Variants in RIMS2 observed in about 807,000 individuals in gnomAD.
RIMS2 encodes regulating synaptic membrane exocytosis 2.
Under a neutral mutation model 174.4 loss-of-function variants are expected in RIMS2, and 59 were observed. That is an observed-to-expected ratio of 0.34 (90% CI 0.27 to 0.42). The LOEUF (loss-of-function observed/expected upper bound fraction) is 0.42. Among genes scored for constraint, RIMS2 ranks in the 10% least tolerant of loss-of-function variants. The pLI is 1.00. For synonymous variants in RIMS2, 606 were observed against 572.5 expected (o/e 1.06, Z -0.84); for missense variants, 1,620 against 1,666.3 (o/e 0.97, Z 0.48).
At chr8:103,847,817 T>C (rs933541870) in intron 3 of RIMS2, among the ~76,000 whole-genome samples, 1 of 151,952 alleles carries the variant, frequency 6.6e-6, no homozygotes, top group African/African-American at 2.4e-5. Flanking sequence ...ATGTTAGGAG[T>C]AGAATATGCT....
At chr8:103,790,959 A>G (rs1180251172) in intron 3 of RIMS2, among the ~76,000 whole-genome samples, 3 of 152,224 alleles carry the variant, frequency 2.0e-5, no homozygotes, top group South Asian at 2.1e-4. Context: ...TGTACCTGAA[A>G]GTGACGGGGA....
intron 19 of RIMS2, among the ~76,000 whole-genome samples, chr8:104,020,269 T>C (rs1373268355): frequency 6.6e-6 from 1 of 151,956 alleles, no homozygotes; most frequent in Non-Finnish European, 1.5e-5. Context: ...ATCACTATTG[T>C]CTATTTTCAA....
chr8:103,833,905 AGGTAAGTTT>A (rs2098841462), intron 3 of RIMS2, among the ~76,000 whole-genome samples: 1 of 152,138 alleles, frequency 6.6e-6, no homozygotes, highest in South Asian at 2.1e-4. Flanking sequence ...CTGATATATC[AGGTAAGTTT>A]GAAGTGTATT....
intron 1 of RIMS2, among the ~76,000 whole-genome samples, chr8:103,551,693 A>G (rs1206773346): frequency 6.6e-6 from 1 of 152,226 alleles, no homozygotes; most frequent in African/African-American, 2.4e-5. Flanking sequence ...TTGTATATTT[A>G]GAAAACCCCA....
chr8:103,637,401 T>A (rs897510524), intron 1 of RIMS2, among the ~76,000 whole-genome samples: 2 of 152,228 alleles, frequency 1.3e-5, no homozygotes, highest in African/African-American at 4.8e-5. Flanking sequence ...ATCAGAGTAA[T>A]AATGCTGGCT....
chr8:103,607,171 T>G (rs1488690518), intron 1 of RIMS2, among the ~76,000 whole-genome samples: 1 of 152,196 alleles, frequency 6.6e-6, no homozygotes, highest in African/African-American at 2.4e-5. Flanking sequence ...AGTGCTTCCT[T>G]CAGGAGCTCT....
chr8:103,588,882 A>G (rs555489412), intron 1 of RIMS2, among the ~76,000 whole-genome samples: 2 of 152,044 alleles, frequency 1.3e-5, no homozygotes, highest in East Asian at 1.9e-4. Flanking sequence ...CCACAAACAC[A>G]GGCAACCAAA....
chr8:103,820,495 G>A (rs1324579819), intron 3 of RIMS2, among the ~76,000 whole-genome samples: 1 of 151,774 alleles, frequency 6.6e-6, no homozygotes, highest in Admixed American at 6.6e-5. Flanking sequence ...AATATTGAGT[G>A]GTTTTACTTG....
chr8:103,635,236 A>G (rs2096046727), intron 1 of RIMS2, among the ~76,000 whole-genome samples: 1 of 152,178 alleles, frequency 6.6e-6, no homozygotes, highest in African/African-American at 2.4e-5. Flanking sequence ...GCTTCTTTCA[A>G]GATGTCTTGT....
At chr8:103,595,467 G>T (rs563554284) in intron 1 of RIMS2, among the ~76,000 whole-genome samples, 2 of 151,910 alleles carry the variant, frequency 1.3e-5, no homozygotes, top group South Asian at 2.1e-4. Flanking sequence ...TGGCTGTGGG[G>T]CCCTGATATC....
chr8:104,237,844 G>A (rs1222005335), intron 19 of RIMS2, among the ~76,000 whole-genome samples: 1 of 152,052 alleles, frequency 6.6e-6, no homozygotes, highest in African/African-American at 2.4e-5. Flanking sequence ...TGTGATAGTA[G>A]CAAGACCTGA....
intron 1 of RIMS2, among the ~76,000 whole-genome samples, chr8:103,614,590 C>T (rs896801642): frequency 1.3e-5 from 2 of 152,230 alleles, no homozygotes; most frequent in Non-Finnish European, 2.9e-5. Flanking sequence ...CAACAAATGG[C>T]ATAGTCTTCT....
At position 104,204,293 on chromosome 8, in the gene RIMS2, G is replaced by A. The variant is rs1014141989; in HGVS notation, c.3335-40623G>A. 3.9e-5 allele frequency among the ~76,000 whole-genome samples: 6 copies of A among 152,110 alleles called. No individual in the cohort carries two copies. The South Asian group carries it at 6.2e-4, about 16-fold the overall frequency. On this transcript the variant is annotated intron_variant, in intron 19 of 23. Coordinates refer to ENST00000504942, the Ensembl canonical transcript of RIMS2. The stretch of plus-strand genomic sequence containing the variant: ...TGCATGTTACGTGTTAATAATCTTC[G>A]TGATATTCACATTATAATCATGAAG...
chr8:104,141,625 G>C (rs990418193), intron 19 of RIMS2, among the ~76,000 whole-genome samples: 1 of 152,190 alleles, frequency 6.6e-6, no homozygotes, highest in Non-Finnish European at 1.5e-5. Context: ...TGCAGGCCAT[G>C]CATTTGTCCC....
chr8:103,780,921 T>C (rs968134013), intron 3 of RIMS2, among the ~76,000 whole-genome samples: 10 of 152,200 alleles, frequency 6.6e-5, no homozygotes, highest in African/African-American at 2.4e-4. Flanking sequence ...TTGATTTTTT[T>C]TTTCTAGGTT....
At chr8:103,915,172 C>T (rs983737015) in intron 6 of RIMS2, among the ~76,000 whole-genome samples, 2 of 151,880 alleles carry the variant, frequency 1.3e-5, no homozygotes, top group African/African-American at 2.4e-5. Flanking sequence ...ATTAATGATA[C>T]TGTAAAATGT....
At chr8:103,894,910 C>T (rs1046112113) in intron 4 of RIMS2, among the ~76,000 whole-genome samples, 19 of 151,074 alleles carry the variant, frequency 1.3e-4, no homozygotes, top group Admixed American at 2.0e-4. Context: ...TGTTCATTTT[C>T]GATAAAGTTA....
chr8:104,013,355 C>A, intron 17 of RIMS2, 87 bp from the exon 20 acceptor site: 5 of 1,052,300 alleles, frequency 4.8e-6, no homozygotes, highest in South Asian at 1.8e-5. Context: ...AAACAATTAC[C>A]TTTTTCAAAA....
intron 3 of RIMS2, among the ~76,000 whole-genome samples, chr8:103,882,137 T>G (rs1164690232): frequency 1.3e-5 from 2 of 151,426 alleles, no homozygotes; most frequent in Non-Finnish European, 3.0e-5. Flanking sequence ...TGTAGAGAAA[T>G]ATACAAATTA....
Sources: gnomAD v4.1 joint callset for allele counts (sites outside exome capture counted in the v4.1 genomes callset) on GRCh38, gnomAD v4.1.1 for gene constraint, MANE v1.5 for transcripts, NCBI Gene and HGNC (gene_info 2026-07-23, HGNC 2026-07-21) for gene names.